Variants in PAX7 observed in about 807,000 individuals in gnomAD.
PAX7 encodes the protein paired box 7.
PAX7 carries 18 observed loss-of-function variants against 50.7 expected under a neutral mutation model. The ratio of observed to expected loss-of-function variants is 0.36; its 90% CI spans 0.25 to 0.53. The LOEUF is 0.53. PAX7 is among the 20% of genes least tolerant of loss of function. PAX7 has a pLI of 0.93. For missense variants in PAX7, 644 were observed against 702.9 expected (o/e 0.92, Z 0.95); for synonymous variants, 310 against 290.4 (o/e 1.07, Z -0.69).
intron 7 of PAX7, among the ~76,000 whole-genome samples, chr1:18,723,023 G>A (rs1217334162): frequency 1.3e-5 from 2 of 152,148 alleles, no homozygotes; most frequent in East Asian, 3.8e-4. Flanking sequence ...TTCTGCTCTT[G>A]CAGACTTCAT....
At chr1:18,693,960 G>A (rs1383661470) in intron 5 of PAX7, among the ~76,000 whole-genome samples, 2 of 152,242 alleles carry the variant, frequency 1.3e-5, no homozygotes, top group African/African-American at 4.8e-5. Flanking sequence ...CCGGAGCCCA[G>A]GCAAAGCCAT....
intron 7 of PAX7, among the ~76,000 whole-genome samples, chr1:18,721,068 G>C (rs2089486793): frequency 6.6e-6 from 1 of 152,076 alleles, no homozygotes; most frequent in Non-Finnish European, 1.5e-5. Context: ...TCCCAGCCTA[G>C]TGACCTGCCA....
intron 7 of PAX7, among the ~76,000 whole-genome samples, chr1:18,731,228 A>G (rs1348805452): frequency 6.6e-6 from 1 of 152,206 alleles, no homozygotes; most frequent in African/African-American, 2.4e-5. Context: ...CTGGATTCCT[A>G]ACTGTGGGCC....
In PAX7 at chr1:18,634,299, C is replaced by T; in HGVS notation, c.86-4C>T. The T allele has an allele frequency of 6.2e-7, 1 of 1,612,536 alleles. No individual in the cohort carries two copies. Among genetic ancestry groups the T allele is most frequent in the Non-Finnish European group, 8.5e-7 (1 of 1,179,142 alleles). On this transcript the variant is annotated splice_polypyrimidine_tract_variant and splice_region_variant and intron_variant, in intron 1 of 8. Transcript: ENST00000420770. This position sits in a 1 kb window ranked among gnomAD's most constrained non-coding sequence, Gnocchi z 4.0. ...TCCTTCTGCATCTCCCCTCCCTTCTCCAGTGTCCACCCCGCTTGGCCAAGG... is the reference window on the plus strand; with the variant it reads ...TCCTTCTGCATCTCCCCTCCCTTCTTCAGTGTCCACCCCGCTTGGCCAAGG...
chr1:18,697,870 G>C (rs962276894), intron 5 of PAX7, among the ~76,000 whole-genome samples: 1 of 144,298 alleles, frequency 6.9e-6, no homozygotes, highest in Admixed American at 7.0e-5. Context: ...CCAGGCAAAG[G>C]GCAGTTTGAG....
At chr1:18,721,906 G>A (rs1170130250) in intron 7 of PAX7, among the ~76,000 whole-genome samples, 1 of 152,188 alleles carries the variant, frequency 6.6e-6, no homozygotes, top group East Asian at 1.9e-4. Context: ...GGGGATCAAG[G>A]TTGGAGTTAG....
intron 4 of PAX7, among the ~76,000 whole-genome samples, chr1:18,685,300 T>A (rs2088959042): frequency 6.6e-6 from 1 of 151,988 alleles, no homozygotes; most frequent in South Asian, 2.1e-4. Flanking sequence ...GTTCGGGGGG[T>A]GACTGCTGCA....
intron 7 of PAX7, among the ~76,000 whole-genome samples, chr1:18,721,007 C>A (rs1359186970): frequency 1.3e-5 from 2 of 152,074 alleles, no homozygotes; most frequent in African/African-American, 4.8e-5. Flanking sequence ...CCACCACCTG[C>A]TCCCCCATGT....
At chr1:18,657,837 C>T (rs1245974761) in intron 4 of PAX7, among the ~76,000 whole-genome samples, 1 of 152,086 alleles carries the variant, frequency 6.6e-6, no homozygotes, top group Non-Finnish European at 1.5e-5. Context: ...TGCTATTTTT[C>T]TTCTCTCTCT....
Position 18,631,460 on chromosome 1 carries a change from A to C in PAX7, c.-144A>C. The C allele has an allele frequency of 3.0e-6, 2 of 667,516 alleles. No homozygotes were observed. The highest frequency in any genetic ancestry group is 5.4e-6 in the Non-Finnish European group (2 of 373,804). 41.3% of individuals were successfully genotyped at this position (667,516 alleles called of 1,614,324 possible). ...GCAGCCAGGGGTGGGGGGTGGGGGT[A>C]GGGAGTGTGTGTGGAGGGGAGGGAG... On this transcript the variant is annotated 5_prime_UTR_variant, in exon 1 of 9. Transcript: ENST00000420770.
In PAX7 at chr1:18,727,982, G is replaced by A. The variant is rs2089595379; in HGVS notation, c.1156-7650G>A. Reference sequence around the variant, plus strand: ...TCCACAGGGGGAAAGGAGGGGGAGGGTCCAGATCCTCTTAGTGGAGTATTG... The same window carrying A: ...TCCACAGGGGGAAAGGAGGGGGAGGATCCAGATCCTCTTAGTGGAGTATTG... On this transcript the variant is annotated intron_variant, in intron 7 of 8. Coordinates refer to ENST00000420770, the MANE Select transcript of PAX7 (RefSeq NM_001135254.2). Among the ~76,000 whole-genome samples, 4 of 152,104 alleles carry A rather than the reference G, an allele frequency of 2.6e-5. No homozygotes were observed. The South Asian group carries it at 8.3e-4, about 32-fold the overall frequency.
chr1:18,704,778 T>C (rs2089263285), intron 7 of PAX7, among the ~76,000 whole-genome samples: 1 of 152,196 alleles, frequency 6.6e-6, no homozygotes, highest in African/African-American at 2.4e-5. Flanking sequence ...TCATTTCTGT[T>C]TGCCTCCATT....
chr1:18,721,315 G>C (rs914741234), intron 7 of PAX7, among the ~76,000 whole-genome samples: 2 of 152,130 alleles, frequency 1.3e-5, no homozygotes, highest in Non-Finnish European at 2.9e-5. Context: ...GTGCTACCCT[G>C]TGATTAATGT....
chr1:18,738,808 A>G (rs1930946665), intron 8 of PAX7, among the ~76,000 whole-genome samples: 1 of 152,040 alleles, frequency 6.6e-6, no homozygotes, highest in Non-Finnish European at 1.5e-5. Context: ...GCAGCCACAC[A>G]CTTGCCTCTC....
At chr1:18,702,049 T>G (rs1304000965) in intron 6 of PAX7, among the ~76,000 whole-genome samples, 1 of 151,994 alleles carries the variant, frequency 6.6e-6, no homozygotes, top group Non-Finnish European at 1.5e-5. Context: ...ATTGGCCTCA[T>G]GGGCTGGGCG....
At chr1:18,664,837 C>A (rs1302687918) in intron 4 of PAX7, among the ~76,000 whole-genome samples, 2 of 152,074 alleles carry the variant, frequency 1.3e-5, no homozygotes, top group Non-Finnish European at 2.9e-5. Flanking sequence ...TGATGGTAAA[C>A]CCCAAATCCT....
chr1:18,739,409 C>T (rs1026361183), intron 8 of PAX7, among the ~76,000 whole-genome samples: 1 of 152,216 alleles, frequency 6.6e-6, no homozygotes, highest in Non-Finnish European at 1.5e-5. Flanking sequence ...TGTGTGTACA[C>T]AGCTTTAAGA....
rs980420848 is a variant in PAX7, at chr1:18,747,674, G to A, written c.*2745G>A. ...GTAAATAGAGTCTGTAGCAAAATAA[G>A]AGCTGCTTCCTCCAACTTATCACAA... is the stretch of plus-strand genomic sequence containing the variant. On this transcript the variant is annotated 3_prime_UTR_variant, in exon 9 of 9. Transcript: ENST00000420770. The A allele has an allele frequency of 4.8e-6, 1 of 208,280 alleles. No homozygotes were observed. The highest frequency in any genetic ancestry group is 2.3e-5 in the African/African-American group (1 of 43,870). The allele number at this position is 208,280 out of a possible 1,614,324, so 12.9% of individuals were successfully genotyped here. A position where few individuals can be genotyped will look rare whatever the true frequency, so the allele number is the denominator to read the frequency against.
chr1:18,704,894 T>C (rs1038718924), intron 7 of PAX7, among the ~76,000 whole-genome samples: 8 of 152,170 alleles, frequency 5.3e-5, no homozygotes, highest in Non-Finnish European at 7.4e-5. Flanking sequence ...TTCTCATCTA[T>C]GAAATGGAGA....
Sources: gnomAD v4.1 joint callset for allele counts (sites outside exome capture counted in the v4.1 genomes callset) on GRCh38, gnomAD v4.1.1 for gene constraint, Gnocchi (gnomAD v3.1) non-coding constraint, MANE v1.5 for transcripts, NCBI Gene and HGNC (gene_info 2026-07-23, HGNC 2026-07-21) for gene names.